Variants in TUBGCP5 observed in about 807,000 individuals in gnomAD.
TUBGCP5 encodes gamma-tubulin complex component 5.
Under a neutral mutation model 134.7 loss-of-function variants are expected in TUBGCP5, and 98 were observed. The observed-to-expected ratio is 0.73, with a 90% CI of 0.62 to 0.86. TUBGCP5 has a LOEUF of 0.86. Among genes scored for constraint, TUBGCP5 ranks in the 40% least tolerant of loss-of-function variants. The probability of loss-of-function intolerance (pLI) is 0.00; values close to 1 mark genes in which losing one functional copy is unlikely to be tolerated. For synonymous variants in TUBGCP5, 456 were observed against 431.4 expected (o/e 1.06, Z -0.71); for missense variants, 1,150 against 1,244.8 (o/e 0.92, Z 1.15).
chr15:23,005,429 A>C lies in TUBGCP5; in HGVS notation c.2712+3T>G, dbSNP rs2064647514. 12 of 1,613,754 alleles carry C rather than the reference A, an allele frequency of 7.4e-6. No homozygotes were observed. Among genetic ancestry groups the C allele is most frequent in the Non-Finnish European group, 1.0e-5 (12 of 1,179,760 alleles). Reference sequence around the variant, plus strand: ...AACTGAAGCAGATGGGAGAGGCACAAACCCTGGTCATGATGTAGTTGTGCA... The same window carrying C: ...AACTGAAGCAGATGGGAGAGGCACACACCCTGGTCATGATGTAGTTGTGCA... On this transcript the variant is annotated splice_donor_region_variant and intron_variant, in intron 19 of 22. Transcript: ENST00000615383.
intron 23 of TUBGCP5, among the ~76,000 whole-genome samples, chr15:22,987,142 G>A (rs1479359727): frequency 6.6e-6 from 1 of 151,820 alleles, no homozygotes; most frequent in East Asian, 1.9e-4. Flanking sequence ...AGACCAGCCT[G>A]ACCAACATGG....
At chr15:23,006,466 C>CTTTT in intron 16 of TUBGCP5, 114 bp from the exon 17 acceptor site, 1 of 724,286 alleles carries the variant, frequency 1.4e-6, no homozygotes, top group Non-Finnish European at 2.3e-6. Context: ...TACTGCATTT[C>CTTTT]ATAAAAGAAA....
At chr15:22,990,750 C>G (rs2063821905) in intron 23 of TUBGCP5, among the ~76,000 whole-genome samples, 1 of 152,150 alleles carries the variant, frequency 6.6e-6, no homozygotes, top group African/African-American at 2.4e-5. Flanking sequence ...CTTAGCAGAT[C>G]TAAGTTCTTG....
chr15:23,031,063 C>T (rs2066281501), intron 5 of TUBGCP5, 43 bp from the exon 6 acceptor site: 5 of 1,523,020 alleles, frequency 3.3e-6, no homozygotes, highest in Non-Finnish European at 4.4e-6. Context: ...CAGAGTATAA[C>T]ACTTAAAGCT....
At chr15:22,992,094 GAGA>G (rs1422613840) in intron 23 of TUBGCP5, among the ~76,000 whole-genome samples, 4 of 152,160 alleles carry the variant, frequency 2.6e-5, no homozygotes, top group African/African-American at 4.8e-5. Context: ...GAGTGAATCT[GAGA>G]AGAATTGCAG....
At chr15:22,994,298 C>G (rs754317334), downstream of TUBGCP5, among the ~76,000 whole-genome samples, 8 of 151,908 alleles carry the variant, frequency 5.3e-5, no homozygotes, top group Non-Finnish European at 1.0e-4. Flanking sequence ...CCATATTGGC[C>G]AGGTTGGTCT....
At chr15:23,027,369 G>A (rs2066039330) in intron 6 of TUBGCP5, 63 bp from the exon 7 acceptor site, 1 of 1,318,952 alleles carries the variant, frequency 7.6e-7, no homozygotes, top group Non-Finnish European at 1.1e-6. Context: ...CACAATACCT[G>A]GACTTACAGC....
chr15:23,002,180 A>C (rs2064428030), intron 21 of TUBGCP5, among the ~76,000 whole-genome samples: 1 of 152,066 alleles, frequency 6.6e-6, no homozygotes, highest in African/African-American at 2.4e-5. Context: ...TATTTTGCAC[A>C]CTTTGAGCCA....
chr15:23,014,316 C>A (rs1487272871), intron 13 of TUBGCP5, among the ~76,000 whole-genome samples: 1 of 152,178 alleles, frequency 6.6e-6, no homozygotes, highest in African/African-American at 2.4e-5. Context: ...TGTACCTAGG[C>A]TTCTTGAGCG....
chr15:23,004,148 T>C lies in TUBGCP5; in HGVS notation c.2792A>G (p.Tyr931Cys), dbSNP rs200928789. ...GTCATGGATGGTTGACAGATACCTA[T>C]AGTGAATTTTAATCAATTGATCTAA... ...KDLDQLIKIHYRYLSTIHDRC... is the reference protein window; with the variant it reads ...KDLDQLIKIHCRYLSTIHDRC... Residue 931 changes from tyrosine to cysteine, a missense_variant, in exon 20 of 23, where the codon TAT becomes TGT. Around this residue, in one of 2 missense-constraint regions of TUBGCP5, gnomAD observed 697 missense variants for 850.1 expected, o/e 0.82. Coordinates refer to ENST00000615383, the MANE Select transcript of TUBGCP5 (RefSeq NM_052903.6). The C allele has an allele frequency of 5.0e-6, 8 of 1,613,558 alleles. No homozygotes were observed. The highest frequency in any genetic ancestry group is 3.3e-4 in the Middle Eastern group (2 of 6,062).
In TUBGCP5 at chr15:23,039,466, G is replaced by A. The variant is rs1485495951; in HGVS notation, c.78C>T (p.Val26=). ...GGTCTGCCTCGTCCTGGAGGCCGGC[G>A]ACACCCCGGACGAGCTCCCGCACGT... is the stretch of plus-strand genomic sequence containing the variant. ...ERDVRELVRG[V]AGLQDEADPN... is the part of the protein sequence containing the mutation. Residue 26 remains valine, a synonymous_variant, in exon 1 of 23, where the codon GTC becomes GTT. Transcript: ENST00000615383. The A allele has an allele frequency of 3.2e-6, 5 of 1,543,556 alleles. No homozygotes were observed. The highest frequency in any genetic ancestry group is 5.1e-5 in the East Asian group (2 of 38,858).
At chr15:23,005,992 C>G in intron 18 of TUBGCP5, 60 bp downstream of exon 18, 1 of 1,502,824 alleles carries the variant, frequency 6.7e-7, no homozygotes, top group Non-Finnish European at 8.9e-7. Context: ...CCATTAACCT[C>G]TTTTATTAAG....
At chr15:23,031,676 C>T (rs1464904616) in intron 5 of TUBGCP5, among the ~76,000 whole-genome samples, 1 of 152,068 alleles carries the variant, frequency 6.6e-6, no homozygotes, top group Non-Finnish European at 1.5e-5. Context: ...GTTGCCCAGG[C>T]TGGTCTCAAA....
rs775658600 is a variant in TUBGCP5 at position 23,017,751 on chromosome 15, C to T, written c.1756+22G>A. 1.2e-6 allele frequency: 2 copies of T among 1,604,634 alleles called. 1 individual carries two copies. The highest frequency in any genetic ancestry group is 2.2e-5 in the South Asian group (2 of 90,124). On this transcript the variant is annotated intron_variant, in intron 13 of 22. Transcript: ENST00000615383. ...TCAGGTGTCCCAACACCAAGAGAGACACAGGAAGACGGAACAAGTACCTCT... is the reference window on the plus strand; with the variant it reads ...TCAGGTGTCCCAACACCAAGAGAGATACAGGAAGACGGAACAAGTACCTCT...
Position 23,019,337 on chromosome 15 carries a change from G to C in TUBGCP5, c.1372-3C>G. The C allele has an allele frequency of 6.2e-7, 1 of 1,606,104 alleles. No individual in the cohort carries two copies. The highest frequency in any genetic ancestry group is 8.5e-7 in the Non-Finnish European group (1 of 1,173,344). ...CAGAGAGAGAAAAGGAGGGAGACCT[G>C]AGGCAGAGAGTGTGCACGGTCAGCT... On this transcript the variant is annotated splice_polypyrimidine_tract_variant and splice_region_variant and intron_variant, in intron 11 of 22. Transcript: ENST00000615383.
downstream of TUBGCP5, among the ~76,000 whole-genome samples, chr15:22,998,625 AT>A (rs1038027315): frequency 9.6e-5 from 14 of 145,888 alleles, no homozygotes; most frequent in East Asian, 8.1e-4. Flanking sequence ...TGCTTGGCTA[AT>A]TTTTTTTTTT....
At chr15:23,017,696 T>G in intron 13 of TUBGCP5, 77 bp downstream of exon 13, 3 of 1,387,968 alleles carry the variant, frequency 2.2e-6, no homozygotes, top group Non-Finnish European at 2.9e-6. Context: ...ACAAAATAAT[T>G]AGGTATCAGG....
chr15:23,033,945 C>T (rs1020812185), intron 3 of TUBGCP5, among the ~76,000 whole-genome samples: 6 of 152,140 alleles, frequency 3.9e-5, no homozygotes, highest in African/African-American at 7.2e-5. Flanking sequence ...GGGATATTAG[C>T]TGTGTGGGAA....
At chr15:22,983,615 A>T (rs892250161) in intron 23 of TUBGCP5, 1 of 152,068 alleles carries the variant, frequency 6.6e-6, no homozygotes, top group Non-Finnish European at 1.5e-5. Context: ...ATTCCATCTA[A>T]AAATAAATAA....
Sources: allele counts gnomAD v4.1 joint callset (sites outside exome capture counted in the v4.1 genomes callset), GRCh38; gene constraint gnomAD v4.1.1; regional missense constraint gnomAD v4.1.1; transcripts MANE v1.5; gene names NCBI Gene and HGNC (gene_info 2026-07-23, HGNC 2026-07-21).